The following QRFPR variants were observed in gnomAD, a reference collection of about 807,000 sequenced individuals.
The protein encoded by QRFPR is pyroglutamylated RFamide peptide receptor.
A neutral mutation model predicts 31.3 loss-of-function variants in QRFPR; 37 were observed. The ratio of observed to expected loss-of-function variants is 1.18; its 90% confidence interval spans 0.91 to 1.56. QRFPR has a LOEUF of 1.56. QRFPR is among the 40% of genes most tolerant of loss of function. QRFPR has a pLI of 0.00. For missense variants in QRFPR, 542 were observed against 532.5 expected, an observed-to-expected ratio of 1.02 and a Z score of -0.18; for synonymous variants, 197 against 192.0, an observed-to-expected ratio of 1.03 and a Z score of -0.22.
chr4:121,330,602 C>A, intron 4 of QRFPR, 79 bp from the exon 5 acceptor site: 1 of 1,023,124 alleles, frequency 9.8e-7, no homozygotes, highest in South Asian at 1.3e-5. Flanking sequence ...CTATTAAAGT[C>A]TGAGCTTAGT....
At chr4:121,364,992 C>G (rs1207271373) in intron 1 of QRFPR, among the ~76,000 whole-genome samples, 1 of 149,812 alleles carries the variant, frequency 6.7e-6, no homozygotes, top group Non-Finnish European at 1.5e-5. Flanking sequence ...CTCCATACAG[C>G]TGTTTTTTGG....
At chr4:121,337,849 G>A (rs1725463639) in intron 2 of QRFPR, among the ~76,000 whole-genome samples, 1 of 152,158 alleles carries the variant, frequency 6.6e-6, no homozygotes, top group Non-Finnish European at 1.5e-5. Context: ...AGAAAAACAG[G>A]GATTAACTAC....
intron 1 of QRFPR, among the ~76,000 whole-genome samples, chr4:121,353,863 T>G (rs1299187728): frequency 6.6e-6 from 1 of 152,134 alleles, no homozygotes; most frequent in African/African-American, 2.4e-5. Flanking sequence ...ATTTACATTT[T>G]TAATCCATTT....
At chr4:121,361,302 T>A (rs1725987136) in intron 1 of QRFPR, among the ~76,000 whole-genome samples, 1 of 150,132 alleles carries the variant, frequency 6.7e-6, no homozygotes, top group South Asian at 2.1e-4. Context: ...AGTGATAGTG[T>A]ATTACATTCT....
intron 1 of QRFPR, among the ~76,000 whole-genome samples, chr4:121,358,858 A>G (rs1217252555): frequency 6.6e-6 from 1 of 152,216 alleles, no homozygotes; most frequent in African/African-American, 2.4e-5. Flanking sequence ...ACCATGTGCT[A>G]GGTACTGATC....
intron 3 of QRFPR, among the ~76,000 whole-genome samples, chr4:121,335,657 CA>C (rs1336573846): frequency 6.6e-6 from 1 of 151,810 alleles, no homozygotes; most frequent in East Asian, 1.9e-4. Flanking sequence ...AGAAACTGAC[CA>C]TAACTCCTTC....
chr4:121,351,624 T>C (rs1017762030), intron 1 of QRFPR, among the ~76,000 whole-genome samples: 1 of 152,120 alleles, frequency 6.6e-6, no homozygotes. Context: ...TAACCCATCA[T>C]GAAGTAATAA....
At chr4:121,369,315 CA>C (rs1251392946) in intron 1 of QRFPR, 2 of 515,688 alleles carry the variant, frequency 3.9e-6, no homozygotes, top group Non-Finnish European at 6.8e-6. Flanking sequence ...AGGCGTGAGC[CA>C]CTGTGCCCAG....
At chr4:121,360,495 C>CTGTGCTTGCCTGGTT (rs1217587962) in intron 1 of QRFPR, among the ~76,000 whole-genome samples, 2 of 151,938 alleles carry the variant, frequency 1.3e-5, no homozygotes, top group African/African-American at 4.8e-5. Flanking sequence ...TTTTTTAGGT[C>CTGTGCTTGCCTGGTT]AACTGTGCTT....
At chr4:121,369,812 G>T in intron 1 of QRFPR, 1 of 1,360,276 alleles carries the variant, frequency 7.4e-7, no homozygotes, top group Non-Finnish European at 1.1e-6. Context: ...AAAGTGAGAA[G>T]TGGTGCTTGG....
intron 1 of QRFPR, among the ~76,000 whole-genome samples, chr4:121,367,400 C>T (rs1024469086): frequency 6.7e-6 from 1 of 150,242 alleles, no homozygotes; most frequent in African/African-American, 2.5e-5. Context: ...TTTCTGTTTT[C>T]TGAGTACAAA....
rs781242060 is a variant in QRFPR at position 121,363,055 on chromosome 4, C to G, written c.340+17253G>C. 1.3e-5 allele frequency among the ~76,000 whole-genome samples: 2 copies of G among 150,070 alleles called. 1 individual carries two copies. Among genetic ancestry groups the G allele is most frequent in the African/African-American group, 4.9e-5 (2 of 40,530 alleles). ...CTTAAAGAAGGAGCCAAAACTAGGCCGGGCAGAGTGGCTCATGCCTGTAAT... is the reference window on the plus strand; with the variant it reads ...CTTAAAGAAGGAGCCAAAACTAGGCGGGGCAGAGTGGCTCATGCCTGTAAT... On this transcript the variant is annotated intron_variant, in intron 1 of 5. Coordinates refer to ENST00000394427, the MANE Select transcript of QRFPR (RefSeq NM_198179.3).
intron 1 of QRFPR, among the ~76,000 whole-genome samples, chr4:121,346,808 C>A (rs1036958969): frequency 6.6e-6 from 1 of 152,014 alleles, no homozygotes; most frequent in African/African-American, 2.4e-5. Context: ...TCTTCTTTAG[C>A]TTGATGGATA....
chr4:121,345,447 T>C (rs930141685), intron 1 of QRFPR, among the ~76,000 whole-genome samples: 19 of 152,252 alleles, frequency 1.2e-4, no homozygotes, highest in African/African-American at 4.6e-4. Context: ...AGTAGACTTA[T>C]TTGATATACT....
chr4:121,372,742 G>GT (rs1460301575), intron 1 of QRFPR, among the ~76,000 whole-genome samples: 9 of 152,176 alleles, frequency 5.9e-5, no homozygotes, highest in Non-Finnish European at 1.2e-4. Flanking sequence ...CCATGTTGTA[G>GT]TAAGTATCAG....
At position 121,330,493 on chromosome 4, in the gene QRFPR, C is replaced by T; in HGVS notation, c.828G>A (p.Val276=). The T allele has an allele frequency of 6.2e-7, 1 of 1,614,006 alleles. No individual in the cohort carries two copies. Among genetic ancestry groups the T allele is most frequent in the Non-Finnish European group, 8.5e-7 (1 of 1,179,882 alleles). ...RKKKRAVIMM[V]TVVALFAVCW... The stretch of plus-strand genomic sequence containing the variant: ...ACACAGCAAAGAGAGCCACCACTGT[C>T]ACCATCATAATGACAGCTCGTTTCT... The change falls in exon 5 of 6, where the codon GTG becomes GTA. Residue 276 remains valine, a synonymous_variant. Transcript: ENST00000394427.
intron 4 of QRFPR, among the ~76,000 whole-genome samples, chr4:121,330,929 A>G (rs751036322): frequency 6.6e-6 from 1 of 152,092 alleles, no homozygotes; most frequent in African/African-American, 2.4e-5. Context: ...TACTCACTTT[A>G]TATTAAAGAG....
In QRFPR at chr4:121,380,503, C is replaced by A. The variant is rs1450207440; in HGVS notation, c.145G>T (p.Val49Leu). The A allele has an allele frequency of 1.2e-6, 2 of 1,614,028 alleles. No homozygotes were observed. The highest frequency in any genetic ancestry group is 1.7e-6 in the Non-Finnish European group (2 of 1,180,004). ...ELPGRAKLAL[V>L]LTGVLIFALA... ...GCGAAGATGAGCACGCCGGTGAGCACGAGGGCCAGCTTGGCGCGTCCCGGC... is the reference window on the plus strand; with the variant it reads ...GCGAAGATGAGCACGCCGGTGAGCAAGAGGGCCAGCTTGGCGCGTCCCGGC... Residue 49 changes from valine (V) to leucine (L), a missense_variant, in exon 1 of 6, where the codon GTG (valine) becomes TTG (leucine). Physicochemically the swap from Val to Leu is conservative, Grantham distance 32 (BLOSUM62 1). Coordinates refer to ENST00000394427, the MANE Select transcript of QRFPR (RefSeq NM_198179.3).
rs1323843092 is a variant in QRFPR, at chr4:121,364,349, AC to A, written c.340+15958del. On this transcript the variant is annotated intron_variant, in intron 1 of 5. Coordinates refer to ENST00000394427, the MANE Select transcript of QRFPR (RefSeq NM_198179.3). ...GGCATGTTAATTGAAATGTCTAAAA[AC>A]TTTTGGCTGGGCATGGTGGCTCACG... Among the ~76,000 whole-genome samples the A allele has an allele frequency of 6.0e-5, 9 of 150,200 alleles. 1 individual carries two copies. Among genetic ancestry groups the A allele is most frequent in the Non-Finnish European group, 1.3e-4 (9 of 67,580 alleles).
Sources: gnomAD v4.1 joint callset for allele counts (sites outside exome capture counted in the v4.1 genomes callset) on GRCh38, gnomAD v4.1.1 for gene constraint, MANE v1.5 for transcripts, NCBI Gene and HGNC (gene_info 2026-07-23, HGNC 2026-07-21) for gene names.